Variants in NHEJ1 observed in about 807,000 individuals in gnomAD.
NHEJ1 encodes the protein non-homologous end joining factor 1, also known as non-homologous end-joining factor 1.
NHEJ1 carries 22 observed loss-of-function variants against 39.4 expected under a neutral mutation model. The observed-to-expected ratio is 0.56, with a 90% CI of 0.40 to 0.80. The LOEUF (loss-of-function observed/expected upper bound fraction) is 0.80. Ranked by LOEUF, NHEJ1 falls within the 30% of genes least tolerant of loss-of-function variation. The pLI is 0.00. For synonymous variants in NHEJ1, 154 were observed against 135.6 expected, an observed-to-expected ratio of 1.14 and a Z score of -0.94; for missense variants, 329 against 357.1, an observed-to-expected ratio of 0.92 and a Z score of 0.63.
chr2:219,080,992 G>T lies in NHEJ1; in HGVS notation c.589-2786C>A, dbSNP rs182265967. 7.5e-4 allele frequency among the ~76,000 whole-genome samples: 114 copies of T among 152,174 alleles called. No individual in the cohort carries two copies. The East Asian group carries it at 0.015, about 20-fold the overall frequency. ...TTACTTCCCTGAACAGCAGAATTTT[G>T]GTCAAAAGAGCAATCCAGCTTCTCC... On this transcript the variant is annotated intron_variant, in intron 5 of 7. Coordinates refer to ENST00000356853, the MANE Select transcript of NHEJ1 (RefSeq NM_024782.3).
chr2:219,135,000 A>G (rs546104665), intron 5 of NHEJ1, among the ~76,000 whole-genome samples: 120 of 149,154 alleles, frequency 8.0e-4, no homozygotes, highest in African/African-American at 2.9e-3. Flanking sequence ...AGATCGTGCC[A>G]TTGCACTCCA....
intron 5 of NHEJ1, among the ~76,000 whole-genome samples, chr2:219,104,709 A>AC (rs777566969): frequency 6.6e-6 from 1 of 151,008 alleles, no homozygotes; most frequent in Admixed American, 6.6e-5. Flanking sequence ...GCACCCCCCC[A>AC]CACACACAAA....
At chr2:219,140,132 G>A (rs905640197) in intron 5 of NHEJ1, among the ~76,000 whole-genome samples, 5 of 152,248 alleles carry the variant, frequency 3.3e-5, no homozygotes, top group Non-Finnish European at 5.9e-5. Flanking sequence ...CCTAAAGGCA[G>A]TGTTAGAGTG....
At chr2:219,134,622 T>C (rs973714709) in intron 5 of NHEJ1, among the ~76,000 whole-genome samples, 5 of 152,212 alleles carry the variant, frequency 3.3e-5, no homozygotes, top group Admixed American at 1.3e-4. Context: ...GCATCAAATA[T>C]CATTTCTTTG....
intron 5 of NHEJ1, among the ~76,000 whole-genome samples, chr2:219,126,548 C>CAA (rs774274502): frequency 1.1e-4 from 16 of 152,174 alleles, no homozygotes; most frequent in Non-Finnish European, 1.9e-4. Flanking sequence ...ATCAAAAAGG[C>CAA]AAAAGTTCTC....
intron 5 of NHEJ1, among the ~76,000 whole-genome samples, chr2:219,142,898 G>A (rs1949704636): frequency 6.6e-6 from 1 of 152,144 alleles, no homozygotes; most frequent in Non-Finnish European, 1.5e-5. Flanking sequence ...GGCTCCTTGG[G>A]TTCCCCAGAA....
chr2:219,080,760 T>C (rs1387792638), intron 5 of NHEJ1, among the ~76,000 whole-genome samples: 2 of 151,348 alleles, frequency 1.3e-5, no homozygotes, highest in Non-Finnish European at 2.9e-5. Context: ...TATTAAACCA[T>C]TTTTGTGTTT....
intron 5 of NHEJ1, among the ~76,000 whole-genome samples, chr2:219,095,609 C>T (rs1440703137): frequency 6.6e-6 from 1 of 152,138 alleles, no homozygotes; most frequent in East Asian, 1.9e-4. Flanking sequence ...TGAGAGCTCA[C>T]AGCCAATGGG....
intron 3 of NHEJ1, among the ~76,000 whole-genome samples, chr2:219,156,901 T>C (rs892167927): frequency 6.6e-6 from 1 of 152,346 alleles, no homozygotes; most frequent in Non-Finnish European, 1.5e-5. Flanking sequence ...CTCATTAGAA[T>C]CCTTCAAGAT....
At position 219,072,257 on chromosome 2, in the gene NHEJ1, TGCA is replaced by T. The variant is rs1212122837; in HGVS notation, c.*4121_*4123del. ...CCTGTAGCAGCTTCCAGGGCATCAA[TGCA>T]GCTGGGAACCCCCCTCCTATAAAGT... On this transcript the variant is annotated 3_prime_UTR_variant, in exon 8 of 8. Transcript: ENST00000356853. Among the ~76,000 whole-genome samples the T allele has an allele frequency of 6.6e-6, 1 of 152,196 alleles. No homozygotes were observed.
intron 5 of NHEJ1, among the ~76,000 whole-genome samples, chr2:219,128,011 C>G (rs1949540985): frequency 6.6e-6 from 1 of 152,160 alleles, no homozygotes. Flanking sequence ...CTGAGAATTC[C>G]TTTTCCTACT....
intron 3 of NHEJ1, among the ~76,000 whole-genome samples, chr2:219,154,495 A>T (rs1283863945): frequency 6.6e-6 from 1 of 152,188 alleles, no homozygotes; most frequent in Non-Finnish European, 1.5e-5. Flanking sequence ...AAATTAAATG[A>T]AAACGATCAC....
rs141690449 is a variant in NHEJ1, at chr2:219,084,289, G to A, written c.589-6083C>T. On this transcript the variant is annotated intron_variant, in intron 5 of 7. Transcript: ENST00000356853. ...CCCAAAGTGCTGGGGTTACAGGCATGAGCCACCACGCTTGGTTCTGCTATT... is the reference window on the plus strand; with the variant it reads ...CCCAAAGTGCTGGGGTTACAGGCATAAGCCACCACGCTTGGTTCTGCTATT... Among the ~76,000 whole-genome samples the A allele has an allele frequency of 2.0e-3, 303 of 152,288 alleles. 1 individual carries two copies. The highest frequency in any genetic ancestry group is 0.015 in the East Asian group (79 of 5,186).
At chr2:219,148,421 C>T (rs1949763084) in intron 3 of NHEJ1, among the ~76,000 whole-genome samples, 1 of 151,984 alleles carries the variant, frequency 6.6e-6, no homozygotes, top group African/African-American at 2.4e-5. Flanking sequence ...TAGCCAGGCA[C>T]AGTAGCATGC....
rs139613438 is a variant in NHEJ1 at position 219,148,885 on chromosome 2, C to T, written c.391-1090G>A. Among the ~76,000 whole-genome samples, 87 of 151,842 alleles carry T rather than the reference C, an allele frequency of 5.7e-4. 1 individual carries two copies. In the East Asian group the frequency reaches 0.015, roughly 27 times the overall value. ...AGCCAACGCACTCTACACACAACCC[C>T]CCCTTTTTTTTTTTTGAGAAGGAGT... On this transcript the variant is annotated intron_variant, in intron 3 of 7. Transcript: ENST00000356853.
chr2:219,096,375 G>A (rs1430746539), intron 5 of NHEJ1, among the ~76,000 whole-genome samples: 1 of 152,194 alleles, frequency 6.6e-6, no homozygotes, highest in Non-Finnish European at 1.5e-5. Flanking sequence ...AAGTAGACAA[G>A]TATTAATTCA....
chr2:219,159,578 T>TATATATATATGCATATATATGC (rs1559206377), intron 1 of NHEJ1, among the ~76,000 whole-genome samples: 3 of 56,328 alleles, frequency 5.3e-5, no homozygotes, highest in Non-Finnish European at 1.0e-4. Context: ...TATATATGCA[T>TATATATATATGCATATATATGC]ATATATATGC....
At position 219,147,798 on chromosome 2, in the gene NHEJ1, T is replaced by G; in HGVS notation, c.391-3A>C. On this transcript the variant is annotated splice_polypyrimidine_tract_variant and splice_region_variant and intron_variant, in intron 3 of 7. Coordinates refer to ENST00000356853, the MANE Select transcript of NHEJ1 (RefSeq NM_024782.3). ...GGACGAATCAAATGTTGGGAGACCT[T>G]TGAGGGAAGAGATATCAATTAGCCA... 6.2e-7 allele frequency: 1 copy of G among 1,614,064 alleles called. No individual in the cohort carries two copies. The highest frequency in any genetic ancestry group is 2.2e-5 in the East Asian group (1 of 44,874).
In NHEJ1 at chr2:219,111,438, G is replaced by A. The variant is rs1231639831; in HGVS notation, c.589-33232C>T. Among the ~76,000 whole-genome samples, 1 of 152,178 alleles carries A rather than the reference G, an allele frequency of 6.6e-6. No individual in the cohort carries two copies. On this transcript the variant is annotated intron_variant, in intron 5 of 7. Coordinates refer to ENST00000356853, the MANE Select transcript of NHEJ1 (RefSeq NM_024782.3). The surrounding 1 kb of genome is among the most constrained non-coding windows in gnomAD (Gnocchi z 4.1). ...AGGGAAAGATATGGTGATGACATTA[G>A]CATTACAGAATACTAATAAACAGTC...
Sources: allele counts gnomAD v4.1 joint callset (sites outside exome capture counted in the v4.1 genomes callset), GRCh38; gene constraint gnomAD v4.1.1; non-coding constraint Gnocchi (gnomAD v3.1); transcripts MANE v1.5; gene names NCBI Gene and HGNC (gene_info 2026-07-23, HGNC 2026-07-21).